The following BRF1 variants were observed in gnomAD, a reference collection of about 807,000 sequenced individuals.
The protein encoded by BRF1 is transcription factor IIIB 90 kDa subunit.
In BRF1, 59 loss-of-function variants were observed where a neutral mutation model predicts 81.7. The ratio of observed to expected loss-of-function variants is 0.72; its 90% CI spans 0.59 to 0.90. BRF1 has a LOEUF of 0.90. Ranked by LOEUF, BRF1 falls within the 40% of genes least tolerant of loss-of-function variation. The pLI is 0.00. For missense variants in BRF1, 1,050 were observed against 936.3 expected (o/e 1.12, Z -1.58); for synonymous variants, 491 against 395.6 (o/e 1.24, Z -2.86).
chr14:105,255,616 A>C (rs970929257), intron 4 of BRF1, among the ~76,000 whole-genome samples: 1 of 152,208 alleles, frequency 6.6e-6, no homozygotes, highest in Admixed American at 6.5e-5. Context: ...CATGGTCACC[A>C]AGGACCTGTG....
At chr14:105,291,254 G>A (rs926955275) in intron 1 of BRF1, among the ~76,000 whole-genome samples, 1 of 152,170 alleles carries the variant, frequency 6.6e-6, no homozygotes, top group African/African-American at 2.4e-5. Flanking sequence ...ACCCCATACC[G>A]CCGAACAGAC....
chr14:105,309,022 C>T lies in BRF1; in HGVS notation c.-162+6300G>A, dbSNP rs1408894004. Among the ~76,000 whole-genome samples, 2 of 151,978 alleles carry T rather than the reference C, an allele frequency of 1.3e-5. No individual in the cohort carries two copies. The highest frequency in any genetic ancestry group is 4.8e-5 in the African/African-American group (2 of 41,388). The stretch of plus-strand genomic sequence containing the variant: ...AAAGACAAACAAAACCTAACAAAAC[C>T]AGAAATCCATCCTGCACGAAGAGCA... On this transcript the variant is annotated intron_variant, in intron 1 of 17. Transcript: ENST00000327359. This position sits in a 1 kb window ranked among gnomAD's most constrained non-coding sequence, Gnocchi z 4.0.
At chr14:105,282,541 A>G (rs2057150260) in intron 2 of BRF1, among the ~76,000 whole-genome samples, 1 of 152,250 alleles carries the variant, frequency 6.6e-6, no homozygotes. Context: ...GAAAACTTCA[A>G]CCAAGGCGGT....
At chr14:105,227,921 C>T (rs2054111678) in intron 7 of BRF1, 1 of 152,226 alleles carries the variant, frequency 6.6e-6, no homozygotes, top group Admixed American at 6.5e-5. Context: ...AATGTCACAG[C>T]AGTTACAGGT....
chr14:105,225,943 G>C (rs587723847), intron 10 of BRF1, 126 bp downstream of exon 10: 1 of 1,005,328 alleles, frequency 9.9e-7, no homozygotes, highest in Non-Finnish European at 1.4e-6. Flanking sequence ...ACCCTGCCCG[G>C]TGGTAAACTT....
chr14:105,265,832 C>T (rs1339908965), intron 3 of BRF1, among the ~76,000 whole-genome samples: 1 of 145,860 alleles, frequency 6.9e-6, no homozygotes, highest in Non-Finnish European at 1.5e-5. Context: ...ACCCGCGAGG[C>T]AGAGCTTGTA....
At chr14:105,286,442 C>T (rs587727703) in intron 1 of BRF1, 66 bp from the exon 2 acceptor site, 1 of 1,484,624 alleles carries the variant, frequency 6.7e-7, no homozygotes, top group East Asian at 2.3e-5. Flanking sequence ...CCTTTCCTAA[C>T]ATCCACAGAC....
chr14:105,229,558 C>T (rs949391984), intron 6 of BRF1, among the ~76,000 whole-genome samples: 2 of 152,206 alleles, frequency 1.3e-5, no homozygotes, highest in Non-Finnish European at 2.9e-5. Context: ...CACCCACCAG[C>T]ACCAAGGGCA....
chr14:105,282,482 C>T (rs1351905437), intron 2 of BRF1, among the ~76,000 whole-genome samples: 3 of 152,090 alleles, frequency 2.0e-5, no homozygotes, highest in Admixed American at 2.0e-4. Flanking sequence ...GGGTGGCGGG[C>T]GGGAGTGGAG....
chr14:105,219,723 C>T (rs111658970), intron 12 of BRF1: 7,224 of 453,186 alleles, frequency 0.016, 446 homozygotes, highest in African/African-American at 0.13. Flanking sequence ...GGGCGCACAG[C>T]GCATGTGGAG....
intron 1 of BRF1, among the ~76,000 whole-genome samples, chr14:105,299,697 G>C (rs776152496): frequency 6.6e-6 from 1 of 152,210 alleles, no homozygotes; most frequent in Non-Finnish European, 1.5e-5. Flanking sequence ...ATACCACTAT[G>C]ATGAGATGCC....
intron 2 of BRF1, 75 bp from the exon 3 acceptor site, chr14:105,272,969 C>A: frequency 6.9e-7 from 1 of 1,444,406 alleles, no homozygotes; most frequent in Non-Finnish European, 9.2e-7. Flanking sequence ...GCCACAGCAG[C>A]AACTTTAAGA....
chr14:105,262,541 C>T (rs2056207092), intron 3 of BRF1, among the ~76,000 whole-genome samples: 1 of 152,240 alleles, frequency 6.6e-6, no homozygotes, highest in Non-Finnish European at 1.5e-5. Context: ...AATAATCTAG[C>T]ACCTCACCGC....
intron 10 of BRF1, among the ~76,000 whole-genome samples, chr14:105,225,399 G>A (rs1271756983): frequency 2.0e-5 from 3 of 152,122 alleles, no homozygotes; most frequent in Admixed American, 6.5e-5. Context: ...GGTCAGACAC[G>A]CCTCATTATA....
At chr14:105,229,387 G>A (rs891023441) in intron 6 of BRF1, among the ~76,000 whole-genome samples, 6 of 152,244 alleles carry the variant, frequency 3.9e-5, no homozygotes, top group Admixed American at 1.3e-4. Flanking sequence ...CGGCTTCTCA[G>A]GTGGACTGAA....
rs1299341842 is a variant in BRF1, at chr14:105,296,034, T to C, written c.184+4412A>G. ...AGGGGGAGGTTGCAGTGAGCCCAGA[T>C]TGCGCCACTGCACTCCAGCCTGGGC... On this transcript the variant is annotated intron_variant, in intron 1 of 17. Transcript: ENST00000547530. Among the ~76,000 whole-genome samples, 5 of 144,000 alleles carry C rather than the reference T, an allele frequency of 3.5e-5. 1 individual carries two copies. The South Asian group carries it at 1.1e-3, about 32-fold the overall frequency. 94.5% of individuals were successfully genotyped at this position (144,000 alleles called of 152,430 possible).
At position 105,315,141 on chromosome 14, in the gene BRF1, C is replaced by T; in HGVS notation, c.-162+181G>A. 3.0e-6 allele frequency: 2 copies of T among 659,586 alleles called. No individual in the cohort carries two copies. Among genetic ancestry groups the T allele is most frequent in the South Asian group, 6.6e-5 (1 of 15,218 alleles). The allele number at this position is 659,586 out of a possible 1,614,324, so 40.9% of individuals were successfully genotyped here. A position where few individuals can be genotyped will look rare whatever the true frequency, so the allele number is the denominator to read the frequency against. Reference sequence around the variant, plus strand: ...CCCCGGCCCGGGTCCCCCAGCGGAGCCCAGGTCGCCCCCCGCGCCCCCGCC... The same window carrying T: ...CCCCGGCCCGGGTCCCCCAGCGGAGTCCAGGTCGCCCCCCGCGCCCCCGCC... On this transcript the variant is annotated intron_variant, in intron 1 of 17. Coordinates refer to the BRF1 transcript ENST00000327359. This position sits in a 1 kb window ranked among gnomAD's most constrained non-coding sequence, Gnocchi z 4.4.
In BRF1 at chr14:105,287,810, A is replaced by G. The variant is rs192086267; in HGVS notation, c.185-1434T>C. Among the ~76,000 whole-genome samples the G allele has an allele frequency of 2.0e-4, 30 of 152,370 alleles. 1 individual carries two copies. The East Asian group carries it at 5.2e-3, about 26-fold the overall frequency. ...AAAGTTCAGTTGGAAGCAAAAAGGAATTAGAGCAGCCAAGAAAAGTTTTGA... is the reference window on the plus strand; with the variant it reads ...AAAGTTCAGTTGGAAGCAAAAAGGAGTTAGAGCAGCCAAGAAAAGTTTTGA... On this transcript the variant is annotated intron_variant, in intron 1 of 17. Coordinates refer to ENST00000547530, the MANE Select transcript of BRF1 (RefSeq NM_001519.4).
chr14:105,261,301 C>A (rs751897664), intron 3 of BRF1, among the ~76,000 whole-genome samples: 6 of 152,234 alleles, frequency 3.9e-5, no homozygotes, highest in Non-Finnish European at 5.9e-5. Context: ...GGCAGAGGCC[C>A]ACGCGAGGCT....
Sources: allele counts gnomAD v4.1 joint callset (sites outside exome capture counted in the v4.1 genomes callset), GRCh38; gene constraint gnomAD v4.1.1; non-coding constraint Gnocchi (gnomAD v3.1); transcripts MANE v1.5; gene names NCBI Gene and HGNC (gene_info 2026-07-23, HGNC 2026-07-21).